Variants in TEKT5 observed in about 807,000 individuals in gnomAD.
The protein encoded by TEKT5 is tektin-5.
Under a neutral mutation model 48.7 loss-of-function variants are expected in TEKT5, and 52 were observed. That is an observed-to-expected ratio of 1.07 (90% CI 0.86 to 1.35). The LOEUF is 1.35. Among genes scored for constraint, TEKT5 ranks in the 40% most tolerant of loss-of-function variants. The pLI, the probability that TEKT5 is intolerant of heterozygous loss-of-function variation, is 0.00. For missense variants in TEKT5, 831 were observed against 641.6 expected (o/e 1.30, Z -3.19); for synonymous variants, 318 against 267.6 (o/e 1.19, Z -1.84).
chr16:10,688,816 G>A (rs1269218846), intron 3 of TEKT5, among the ~76,000 whole-genome samples: 1 of 152,224 alleles, frequency 6.6e-6, no homozygotes, highest in Admixed American at 6.5e-5. Flanking sequence ...CCTTGTGGAG[G>A]TGCCCAGCCC....
intron 1 of TEKT5, among the ~76,000 whole-genome samples, chr16:10,693,836 G>A (rs1899023945): frequency 6.6e-6 from 1 of 152,148 alleles, no homozygotes; most frequent in South Asian, 2.1e-4. Context: ...TGGCCATGGT[G>A]GCGGGCACCT....
At chr16:10,649,474 C>T (rs1354664970) in intron 5 of TEKT5, among the ~76,000 whole-genome samples, 1 of 152,146 alleles carries the variant, frequency 6.6e-6, no homozygotes, top group Non-Finnish European at 1.5e-5. Context: ...TTCTCTGTCA[C>T]CCAGGCTGGA....
rs555671674 is a variant in TEKT5, at chr16:10,647,347, C to T, written c.1087-11429G>A. On this transcript the variant is annotated intron_variant, in intron 5 of 6. Coordinates refer to ENST00000283025, the MANE Select transcript of TEKT5 (RefSeq NM_144674.2). ...ATAAGCCGGGCGTGGTGGTGCACACCGGCGGTCCCAGCTACTCAGGAGGCT... is the reference window on the plus strand; with the variant it reads ...ATAAGCCGGGCGTGGTGGTGCACACTGGCGGTCCCAGCTACTCAGGAGGCT... 1.7e-3 allele frequency among the ~76,000 whole-genome samples: 264 copies of T among 151,948 alleles called. 1 individual carries two copies. The highest frequency in any genetic ancestry group is 5.9e-3 in the African/African-American group (245 of 41,416).
intron 6 of TEKT5, among the ~76,000 whole-genome samples, chr16:10,628,207 A>C (rs13331605): frequency 0.053 from 8,059 of 152,260 alleles, 688 homozygotes; most frequent in African/African-American, 0.18. Flanking sequence ...TGTGCCTGGC[A>C]CTGAGAGACA....
chr16:10,647,165 C>T lies in TEKT5; in HGVS notation c.1087-11247G>A, dbSNP rs564054966. 1.1e-4 allele frequency among the ~76,000 whole-genome samples: 16 copies of T among 152,068 alleles called. No individual in the cohort carries two copies. In the East Asian group the frequency reaches 2.1e-3, roughly 20 times the overall value. ...GGACGGGACATTACTGAGGGTTCAG[C>T]GGGTGATAAGAAGCTGCCAGTGGGC... On this transcript the variant is annotated intron_variant, in intron 5 of 6. Transcript: ENST00000283025.
At chr16:10,689,833 A>C in intron 2 of TEKT5, 109 bp downstream of exon 2, 1 of 1,065,196 alleles carries the variant, frequency 9.4e-7, no homozygotes, top group Non-Finnish European at 1.4e-6. Context: ...CACTTTCCAC[A>C]CAGTGACACG....
chr16:10,650,271 T>C (rs925326407), intron 5 of TEKT5, among the ~76,000 whole-genome samples: 7 of 151,962 alleles, frequency 4.6e-5, no homozygotes, highest in Admixed American at 1.3e-4. Flanking sequence ...CGGCTGATTT[T>C]TGTATTTTTA....
intron 1 of TEKT5, chr16:10,692,577 T>C (rs2142319135): frequency 6.6e-6 from 1 of 152,374 alleles, no homozygotes. Flanking sequence ...CTCCTGGACG[T>C]GGTGAGAAAC....
chr16:10,662,716 C>T lies in TEKT5; in HGVS notation c.1086+13243G>A, dbSNP rs576683746. 2.0e-5 allele frequency among the ~76,000 whole-genome samples: 3 copies of T among 152,324 alleles called. No homozygotes were observed. The South Asian group carries it at 6.2e-4, about 32-fold the overall frequency. On this transcript the variant is annotated intron_variant, in intron 5 of 6. Transcript: ENST00000283025. ...ACAGCACTGGCCCCAGCCAGTTGCACCCATGACAGGACCACCTGGAGTAAA... is the reference window on the plus strand; with the variant it reads ...ACAGCACTGGCCCCAGCCAGTTGCATCCATGACAGGACCACCTGGAGTAAA...
At chr16:10,648,562 C>G (rs1011485553) in intron 5 of TEKT5, among the ~76,000 whole-genome samples, 5 of 152,158 alleles carry the variant, frequency 3.3e-5, no homozygotes, top group Non-Finnish European at 7.4e-5. Context: ...GAACTCCCGG[C>G]CTCGAGTGAT....
At chr16:10,652,603 GACACACAC>G (rs71133381) in intron 5 of TEKT5, among the ~76,000 whole-genome samples, 233 of 12,218 alleles carry the variant, frequency 0.019, 4 homozygotes, top group African/African-American at 0.075. Context: ...TACACAGGCA[GACACACAC>G]ACACACACAC....
chr16:10,651,545 T>C (rs543788102), intron 5 of TEKT5, among the ~76,000 whole-genome samples: 2 of 152,336 alleles, frequency 1.3e-5, no homozygotes, highest in South Asian at 4.1e-4. Context: ...ACACTTAGCA[T>C]ACTGCTATTG....
chr16:10,691,254 A>C (rs1898970663), intron 1 of TEKT5: 1 of 152,390 alleles, frequency 6.6e-6, no homozygotes, highest in African/African-American at 2.4e-5. Flanking sequence ...TCTTAACTCC[A>C]GGAGGTCAAC....
chr16:10,627,946 A>G (rs990342206), intron 6 of TEKT5, 147 bp from the exon 7 acceptor site: 2 of 626,990 alleles, frequency 3.2e-6, no homozygotes, highest in Admixed American at 5.5e-5. Context: ...GGGTTCAAGT[A>G]ATTCTGCCTC....
chr16:10,639,585 T>A (rs528433373), intron 5 of TEKT5, among the ~76,000 whole-genome samples: 1 of 152,096 alleles, frequency 6.6e-6, no homozygotes, highest in Admixed American at 6.6e-5. Context: ...TTTCCAAGAG[T>A]CCCTAGCACA....
intron 5 of TEKT5, among the ~76,000 whole-genome samples, chr16:10,657,027 T>C (rs1473316812): frequency 6.6e-6 from 1 of 152,042 alleles, no homozygotes; most frequent in African/African-American, 2.4e-5. Context: ...GTATGAGGCA[T>C]TGCACCCAGC....
At chr16:10,652,088 G>A (rs142724145) in intron 5 of TEKT5, among the ~76,000 whole-genome samples, 4 of 152,154 alleles carry the variant, frequency 2.6e-5, no homozygotes, top group African/African-American at 4.8e-5. Flanking sequence ...ACTACAGCAG[G>A]GATCATAATC....
intron 5 of TEKT5, among the ~76,000 whole-genome samples, chr16:10,643,445 C>T (rs1596402944): frequency 6.6e-6 from 1 of 151,586 alleles, no homozygotes. Context: ...TCAAAATTTC[C>T]ACTAATACAC....
intron 6 of TEKT5, among the ~76,000 whole-genome samples, chr16:10,630,081 G>A (rs1013838618): frequency 4.0e-5 from 6 of 151,684 alleles, no homozygotes; most frequent in Non-Finnish European, 8.8e-5. Context: ...GTCTACAGGC[G>A]TGCAAAACTG....
Sources: allele counts gnomAD v4.1 joint callset (sites outside exome capture counted in the v4.1 genomes callset), GRCh38; gene constraint gnomAD v4.1.1; transcripts MANE v1.5; gene names NCBI Gene and HGNC (gene_info 2026-07-23, HGNC 2026-07-21).